The following CYP20A1 variants were observed in gnomAD, a reference collection of about 807,000 sequenced individuals.
CYP20A1 encodes cytochrome P450 family 20 subfamily A member 1, also known as cytochrome P450 20A1.
CYP20A1 carries 61 observed loss-of-function variants against 61.4 expected under a neutral mutation model. The observed-to-expected ratio is 0.99, with a 90% CI of 0.81 to 1.23. The LOEUF (loss-of-function observed/expected upper bound fraction) is 1.23. Among genes scored for constraint, CYP20A1 ranks in the 50% most tolerant of loss-of-function variants. The pLI, the probability that CYP20A1 is intolerant of heterozygous loss-of-function variation, is 0.00. For synonymous variants in CYP20A1, 193 were observed against 188.2 expected (o/e 1.03, Z -0.21); for missense variants, 530 against 542.4 (o/e 0.98, Z 0.23).
intron 3 of CYP20A1, 43 bp downstream of exon 3, chr2:203,246,964 A>T: frequency 6.3e-7 from 1 of 1,591,606 alleles, no homozygotes; most frequent in Middle Eastern, 1.7e-4. Flanking sequence ...CTTACCTTTT[A>T]AGAATGAATG....
At position 203,302,718 on chromosome 2, in the gene CYP20A1, C is replaced by CA. The variant is rs2069068092; in HGVS notation, c.*5811dup. On this transcript the variant is annotated 3_prime_UTR_variant, in exon 13 of 13. Coordinates refer to ENST00000356079, the MANE Select transcript of CYP20A1 (RefSeq NM_177538.3). ...CTTTATCTTTTTTGTGTGTGTGTGA[C>CA]AGAGTCTCACTGTCACCAGGCTGGA... is the stretch of plus-strand genomic sequence containing the variant. Among the ~76,000 whole-genome samples the CA allele has an allele frequency of 6.6e-6, 1 of 151,992 alleles. No homozygotes were observed. Among genetic ancestry groups the CA allele is most frequent in the Non-Finnish European group, 1.5e-5 (1 of 68,008 alleles).
chr2:203,265,543 T>C (rs1366982347), intron 4 of CYP20A1, among the ~76,000 whole-genome samples: 1 of 152,216 alleles, frequency 6.6e-6, no homozygotes, highest in Non-Finnish European at 1.5e-5. Context: ...CTTTCAGAGC[T>C]CTTTACTTTC....
At chr2:203,261,529 A>T (rs1247614819) in intron 4 of CYP20A1, among the ~76,000 whole-genome samples, 1 of 132,514 alleles carries the variant, frequency 7.5e-6, no homozygotes, top group East Asian at 2.4e-4. Flanking sequence ...CTCAGTGATC[A>T]CTCCAGCCTG....
chr2:203,272,553 A>AT, intron 5 of CYP20A1, 117 bp from the exon 6 acceptor site: 1 of 357,590 alleles, frequency 2.8e-6, no homozygotes, highest in Non-Finnish European at 4.5e-6. Context: ...CCTGACTCAA[A>AT]AAAAAAAAAA....
chr2:203,263,950 T>A (rs2067234316), intron 4 of CYP20A1, among the ~76,000 whole-genome samples: 1 of 152,118 alleles, frequency 6.6e-6, no homozygotes, highest in African/African-American at 2.4e-5. Flanking sequence ...GATTTGTGTA[T>A]TTTTTATTTT....
Position 203,262,071 on chromosome 2 carries a change from C to A in CYP20A1, c.433-4443C>A, listed in dbSNP as rs1195707137. ...TGGAAAGCTTCAGACATCACAGTGG[C>A]CTGCTCTGTGACAAGCAGGGGAACA... On this transcript the variant is annotated intron_variant, in intron 4 of 12. Transcript: ENST00000356079. 2.0e-5 allele frequency among the ~76,000 whole-genome samples: 3 copies of A among 152,234 alleles called. No individual in the cohort carries two copies. The East Asian group carries it at 5.8e-4, about 29-fold the overall frequency.
At position 203,289,797 on chromosome 2, in the gene CYP20A1, G is replaced by C. The variant is rs201088277; in HGVS notation, c.1004G>C (p.Arg335Pro). The C allele has an allele frequency of 6.3e-7, 1 of 1,589,532 alleles. No homozygotes were observed. The highest frequency in any genetic ancestry group is 8.6e-7 in the Non-Finnish European group (1 of 1,167,454). ...CAGCATGTGCTTTGTGAAACTGTTC[G>C]AACTGCCAAACTGACTCCAGTTTCT... ...YCQHVLCETV[R>P]TAKLTPVSAQ... Residue 335 changes from arginine to proline, a missense_variant, in exon 10 of 13, where the codon CGA becomes CCA. Physicochemically the swap from Arg to Pro is moderately radical, Grantham distance 103. Transcript: ENST00000356079.
chr2:203,294,846 G>A lies in CYP20A1; in HGVS notation c.1149-1628G>A, dbSNP rs558185953. On this transcript the variant is annotated intron_variant, in intron 11 of 12. Coordinates refer to ENST00000356079, the MANE Select transcript of CYP20A1 (RefSeq NM_177538.3). ...GACGGGGTTTCACCATGTTGCCCAGGATGGTCTCAATCTTTTGACCTCGTG... is the reference window on the plus strand; with the variant it reads ...GACGGGGTTTCACCATGTTGCCCAGAATGGTCTCAATCTTTTGACCTCGTG... Among the ~76,000 whole-genome samples, 30 of 150,932 alleles carry A rather than the reference G, an allele frequency of 2.0e-4. No individual in the cohort carries two copies. In the South Asian group the frequency reaches 4.6e-3, roughly 23 times the overall value.
At position 203,304,755 on chromosome 2, in the gene CYP20A1, G is replaced by A. The variant is rs1280592586; in HGVS notation, c.*7847G>A. ...GTTTGAGACTAGCCTAGGCAACATG[G>A]CGAAACTGCATCTCTACAAAAAATA... On this transcript the variant is annotated 3_prime_UTR_variant, in exon 13 of 13. Transcript: ENST00000356079. Among the ~76,000 whole-genome samples the A allele has an allele frequency of 6.6e-6, 1 of 152,084 alleles. No homozygotes were observed. Among genetic ancestry groups the A allele is most frequent in the Non-Finnish European group, 1.5e-5 (1 of 68,022 alleles).
At chr2:203,287,232 A>AAAAAAAAG (rs1559106065) in intron 9 of CYP20A1, among the ~76,000 whole-genome samples, 3 of 150,766 alleles carry the variant, frequency 2.0e-5, no homozygotes, top group Non-Finnish European at 1.5e-5. Context: ...AAAAAAAAAA[A>AAAAAAAAG]AAAAAAAGAA....
intron 4 of CYP20A1, among the ~76,000 whole-genome samples, chr2:203,254,639 T>C (rs2066827387): frequency 6.6e-6 from 1 of 152,152 alleles, no homozygotes; most frequent in Admixed American, 6.5e-5. Flanking sequence ...ATAGTCTTTG[T>C]GTTTTTTATT....
intron 4 of CYP20A1, among the ~76,000 whole-genome samples, chr2:203,253,059 G>T (rs946952009): frequency 6.6e-6 from 1 of 151,988 alleles, no homozygotes; most frequent in East Asian, 1.9e-4. Context: ...CCACTCTCAC[G>T]TCCTGTGTTG....
In CYP20A1 at chr2:203,285,746, A is replaced by G; in HGVS notation, c.971+14A>G. The G allele has an allele frequency of 6.5e-7, 1 of 1,548,562 alleles. No individual in the cohort carries two copies. Among genetic ancestry groups the G allele is most frequent in the Non-Finnish European group, 8.6e-7 (1 of 1,158,696 alleles). ...TGAGCAGCTCAGGTAAGAACACAAT[A>G]AAAAGAGGAGATTATTAAAAGGTAA... On this transcript the variant is annotated intron_variant, in intron 9 of 12. Transcript: ENST00000356079.
At chr2:203,281,736 G>A (rs2068050577) in intron 8 of CYP20A1, among the ~76,000 whole-genome samples, 1 of 152,022 alleles carries the variant, frequency 6.6e-6, no homozygotes, top group Non-Finnish European at 1.5e-5. Context: ...CAGAGGCAGA[G>A]GTTACAGTGA....
At chr2:203,251,885 C>T in intron 3 of CYP20A1, 82 bp from the exon 4 acceptor site, 1 of 1,086,074 alleles carries the variant, frequency 9.2e-7, no homozygotes, top group South Asian at 3.4e-5. Flanking sequence ...CAATTCTTTA[C>T]CTCCCTGATC....
intron 5 of CYP20A1, among the ~76,000 whole-genome samples, chr2:203,270,160 T>G: frequency 6.6e-6 from 1 of 152,062 alleles, no homozygotes; most frequent in East Asian, 1.9e-4. Context: ...CTTGTGAGGC[T>G]GAGGCCAGAG....
intron 11 of CYP20A1, among the ~76,000 whole-genome samples, chr2:203,294,101 C>T (rs116658236): frequency 0.015 from 2,278 of 152,218 alleles, 28 homozygotes; most frequent in Middle Eastern, 0.054. Flanking sequence ...GCTCCTACCT[C>T]ACCCTCCAGA....
chr2:203,256,707 GT>G (rs1395928403), intron 4 of CYP20A1, among the ~76,000 whole-genome samples: 3 of 152,154 alleles, frequency 2.0e-5, no homozygotes, highest in African/African-American at 4.8e-5. Flanking sequence ...CCTCACTTAA[GT>G]GTGTGCTCCG....
At chr2:203,255,153 C>G (rs1262631904) in intron 4 of CYP20A1, among the ~76,000 whole-genome samples, 1 of 152,186 alleles carries the variant, frequency 6.6e-6, no homozygotes. Flanking sequence ...TTGCTTATTT[C>G]TCTTTCCCCT....
Sources: gnomAD v4.1 joint callset for allele counts (sites outside exome capture counted in the v4.1 genomes callset) on GRCh38, gnomAD v4.1.1 for gene constraint, MANE v1.5 for transcripts, NCBI Gene and HGNC (gene_info 2026-07-23, HGNC 2026-07-21) for gene names.